YIPF4: variants seen among roughly 807,000 people sequenced by gnomAD.
YIPF4 encodes Yip1 domain family member 4.
In YIPF4, 18 loss-of-function variants were observed where a neutral mutation model predicts 29.4. The observed-to-expected ratio is 0.61, with a 90% CI of 0.42 to 0.91. The LOEUF is 0.91. Ranked by LOEUF, YIPF4 falls within the 40% of genes least tolerant of loss-of-function variation. YIPF4 has a pLI of 0.00. For missense variants in YIPF4, 279 were observed against 282.7 expected (o/e 0.99, Z 0.09); for synonymous variants, 115 against 104.7 (o/e 1.10, Z -0.60).
At chr2:32,279,952 A>G (rs1466195706) in intron 1 of YIPF4, among the ~76,000 whole-genome samples, 4 of 140,086 alleles carry the variant, frequency 2.9e-5, no homozygotes, top group East Asian at 4.1e-4. Context: ...GCTGGAGTGC[A>G]GTGGTTTGAT....
chr2:32,305,665 T>G lies in YIPF4; in HGVS notation c.*39T>G. ...TGAATAGAAAAAGATGGTGTTAAAT[T>G]TGTGTGTAGGCTGGGAATTCTTGCT... is the stretch of plus-strand genomic sequence containing the variant. On this transcript the variant is annotated 3_prime_UTR_variant, in exon 6 of 6. Transcript: ENST00000238831. 1 of 1,453,170 alleles carries G rather than the reference T, an allele frequency of 6.9e-7. No individual in the cohort carries two copies. The highest frequency in any genetic ancestry group is 9.1e-7 in the Non-Finnish European group (1 of 1,100,340). 90.0% of individuals were successfully genotyped at this position (1,453,170 alleles called of 1,614,324 possible).
chr2:32,294,822 C>G (rs2031103832), intron 3 of YIPF4, among the ~76,000 whole-genome samples: 1 of 152,226 alleles, frequency 6.6e-6, no homozygotes. Flanking sequence ...CCCGGCACCT[C>G]CGGAGGCCGA....
At position 32,309,604 on chromosome 2, in the gene YIPF4, A is replaced by C. The variant is rs2031672675; in HGVS notation, c.*3978A>C. ...AAAATTATTTTTCATAGTGAACAAA[A>C]CTAGTTGAATACTTCTAAATATTCA... On this transcript the variant is annotated 3_prime_UTR_variant, in exon 6 of 6. Transcript: ENST00000238831. 1 of 152,108 alleles carries C rather than the reference A, an allele frequency of 6.6e-6. No homozygotes were observed. 9.4% of individuals were successfully genotyped at this position (152,108 alleles called of 1,614,324 possible).
rs2031712619 is a variant in YIPF4 at position 32,311,390 on chromosome 2, A to G, written c.*5764A>G. ...GCTGAGGTTACAGTTTGGAGGTTACATTAGAGAAAGAATATAGGGAAGATG... is the reference window on the plus strand; with the variant it reads ...GCTGAGGTTACAGTTTGGAGGTTACGTTAGAGAAAGAATATAGGGAAGATG... On this transcript the variant is annotated 3_prime_UTR_variant, in exon 6 of 6. Transcript: ENST00000238831. The G allele has an allele frequency of 6.6e-6, 1 of 152,212 alleles. No individual in the cohort carries two copies. The highest frequency in any genetic ancestry group is 1.5e-5 in the Non-Finnish European group (1 of 68,036). The allele number at this position is 152,212 out of a possible 1,614,324, so 9.4% of individuals were successfully genotyped here.
chr2:32,292,757 G>A (rs1477491419), intron 3 of YIPF4, among the ~76,000 whole-genome samples: 3 of 151,602 alleles, frequency 2.0e-5, no homozygotes, highest in Non-Finnish European at 2.9e-5. Flanking sequence ...CCAGCTACTC[G>A]GGAAGCTGAG....
chr2:32,292,822 C>T (rs1240940392), intron 3 of YIPF4, among the ~76,000 whole-genome samples: 2 of 148,734 alleles, frequency 1.3e-5, no homozygotes, highest in African/African-American at 2.5e-5. Context: ...CAAGATCACG[C>T]CACTGCACTC....
At chr2:32,300,623 A>G (rs560933444) in intron 4 of YIPF4, among the ~76,000 whole-genome samples, 1 of 152,150 alleles carries the variant, frequency 6.6e-6, no homozygotes, top group East Asian at 1.9e-4. Flanking sequence ...CACTTAAAGT[A>G]TATTTGTTTA....
chr2:32,299,799 A>G (rs955740821), intron 4 of YIPF4, among the ~76,000 whole-genome samples: 2 of 151,910 alleles, frequency 1.3e-5, no homozygotes, highest in African/African-American at 4.8e-5. Context: ...CCGACGGTGA[A>G]ATCTTGTCTT....
At position 32,278,368 on chromosome 2, in the gene YIPF4, C is replaced by T. The variant is rs987847623; in HGVS notation, c.79+134C>T. 9.6e-5 allele frequency: 81 copies of T among 845,514 alleles called. No individual in the cohort carries two copies. In the Middle Eastern group the frequency reaches 1.2e-3, roughly 13 times the overall value. The allele number at this position is 845,514 out of a possible 1,614,324, so 52.4% of individuals were successfully genotyped here. ...GCTGACTGGTGACTGCAGCCCACCA[C>T]GCCTGCCGGGCCTTCCGAGAGGCCC... On this transcript the variant is annotated intron_variant, in intron 1 of 5. Coordinates refer to ENST00000238831, the MANE Select transcript of YIPF4 (RefSeq NM_032312.4).
chr2:32,290,705 GTTA>G (rs2148961206), intron 2 of YIPF4, 69 bp downstream of exon 2: 2 of 1,098,416 alleles, frequency 1.8e-6, no homozygotes, highest in South Asian at 7.5e-5. Context: ...TATTCTTCTT[GTTA>G]TTTAGAGAGA....
intron 5 of YIPF4, among the ~76,000 whole-genome samples, chr2:32,304,583 G>A (rs530392769): frequency 3.3e-5 from 5 of 152,254 alleles, no homozygotes; most frequent in Non-Finnish European, 7.4e-5. Context: ...GCATTTTTGA[G>A]GAGTGTGACT....
Position 32,305,998 on chromosome 2 carries a change from T to G in YIPF4, c.*372T>G, listed in dbSNP as rs1487052529. On this transcript the variant is annotated 3_prime_UTR_variant, in exon 6 of 6. Transcript: ENST00000238831. Reference sequence around the variant, plus strand: ...ATATCTTGATAATCAAAAGTGCAATTTTTTTCTTCAAAATGTTTTCTCCAG... The same window carrying G: ...ATATCTTGATAATCAAAAGTGCAATGTTTTTCTTCAAAATGTTTTCTCCAG... The G allele has an allele frequency of 1.4e-5, 14 of 984,842 alleles. No homozygotes were observed. The African/African-American group carries it at 2.1e-4, about 15-fold the overall frequency. 61.0% of individuals were successfully genotyped at this position (984,842 alleles called of 1,614,324 possible). A position where few individuals can be genotyped will look rare whatever the true frequency, so the allele number is the denominator to read the frequency against.
In YIPF4 at chr2:32,305,690, T is replaced by C. The variant is rs185129629; in HGVS notation, c.*64T>C. 41 of 1,358,688 alleles carry C rather than the reference T, an allele frequency of 3.0e-5. 1 individual carries two copies. The East Asian group carries it at 1.1e-3, about 37-fold the overall frequency. The allele number at this position is 1,358,688 out of a possible 1,614,324, so 84.2% of individuals were successfully genotyped here. On this transcript the variant is annotated 3_prime_UTR_variant, in exon 6 of 6. Coordinates refer to ENST00000238831, the MANE Select transcript of YIPF4 (RefSeq NM_032312.4). ...TTGTGTGTAGGCTGGGAATTCTTGC[T>C]GAAGGAATTGGAGAAAACCTGTTGC... is the stretch of plus-strand genomic sequence containing the variant.
In YIPF4 at chr2:32,315,843, T is replaced by C. The variant is rs2031815551; in HGVS notation, c.*10217T>C. Reference sequence around the variant, plus strand: ...TTTAAAAACTGGAATAAGCTTTTCATATAATCTTTGAGAAGATGGGGCTTT... The same window carrying C: ...TTTAAAAACTGGAATAAGCTTTTCACATAATCTTTGAGAAGATGGGGCTTT... On this transcript the variant is annotated 3_prime_UTR_variant, in exon 6 of 6. Transcript: ENST00000238831. 6.6e-6 allele frequency: 1 copy of C among 151,944 alleles called. No individual in the cohort carries two copies. The highest frequency in any genetic ancestry group is 1.5e-5 in the Non-Finnish European group (1 of 68,018). The allele number at this position is 151,944 out of a possible 1,614,324, so 9.4% of individuals were successfully genotyped here. A position where few individuals can be genotyped will look rare whatever the true frequency, so the allele number is the denominator to read the frequency against.
intron 1 of YIPF4, among the ~76,000 whole-genome samples, chr2:32,279,193 G>A (rs980355565): frequency 1.2e-4 from 18 of 151,664 alleles, no homozygotes; most frequent in Non-Finnish European, 1.9e-4. Flanking sequence ...ATGGTCTCTC[G>A]ATCTCCTGAC....
In YIPF4 at chr2:32,278,173, GC is replaced by G; in HGVS notation, c.23del (p.Pro8ArgfsTer25). On this transcript the variant is annotated frameshift_variant, in exon 1 of 6. Transcript: ENST00000238831. LOFTEE classifies it high-confidence loss of function. ...GCCGCGAGATGCAGCCTCCGGGCCC[GC>G]CCCCGGCCTATGCCCCCACTAACGG... MQPPGPPPAYAPTNGDF... is the reference protein window; with the variant it reads MQPPGPXPAYAPTNGDF... 1.3e-6 allele frequency: 2 copies of G among 1,567,668 alleles called. No individual in the cohort carries two copies. The highest frequency in any genetic ancestry group is 1.8e-5 in the Admixed American group (1 of 54,106).
intron 1 of YIPF4, among the ~76,000 whole-genome samples, chr2:32,282,490 T>G (rs1266821859): frequency 6.6e-6 from 1 of 152,270 alleles, no homozygotes; most frequent in Non-Finnish European, 1.5e-5. Flanking sequence ...TGGAGTGCAA[T>G]GGCACCATCT....
At chr2:32,284,307 G>T (rs906026542) in intron 1 of YIPF4, among the ~76,000 whole-genome samples, 1 of 152,150 alleles carries the variant, frequency 6.6e-6, no homozygotes, top group Non-Finnish European at 1.5e-5. Flanking sequence ...ACATAGTCTA[G>T]TCTGCAGGAT....
rs2031625879 is a variant in YIPF4, at chr2:32,307,872, A to G, written c.*2246A>G. 1 of 140,420 alleles carries G rather than the reference A, an allele frequency of 7.1e-6. No individual in the cohort carries two copies. Among genetic ancestry groups the G allele is most frequent in the Non-Finnish European group, 1.5e-5 (1 of 66,030 alleles). 8.7% of individuals were successfully genotyped at this position (140,420 alleles called of 1,614,324 possible). The stretch of plus-strand genomic sequence containing the variant: ...TTGAACCCTTGGAGGTGGAGGTTGC[A>G]GTGAGCCAAGATTGTGCCATTGCAC... On this transcript the variant is annotated 3_prime_UTR_variant, in exon 6 of 6. Transcript: ENST00000238831.
Sources: allele counts gnomAD v4.1 joint callset (sites outside exome capture counted in the v4.1 genomes callset), GRCh38; gene constraint gnomAD v4.1.1; transcripts MANE v1.5; gene names NCBI Gene and HGNC (gene_info 2026-07-23, HGNC 2026-07-21).